Variants in PLPPR1 observed in about 807,000 individuals in gnomAD.
The protein encoded by PLPPR1 is phospholipid phosphatase related 1.
In PLPPR1, 10 loss-of-function variants were observed where a neutral mutation model predicts 33.1. The ratio of observed to expected loss-of-function variants is 0.30; its 90% CI spans 0.19 to 0.51. The LOEUF (loss-of-function observed/expected upper bound fraction) is 0.51, where lower values mean the gene tolerates loss of function less well. Ranked by LOEUF, PLPPR1 falls within the 20% of genes least tolerant of loss-of-function variation. The pLI, the probability that PLPPR1 is intolerant of heterozygous loss-of-function variation, is 0.97. For synonymous variants in PLPPR1, 151 were observed against 151.0 expected (o/e 1.00, Z 0.00); for missense variants, 304 against 408.1 (o/e 0.74, Z 2.20).
At chr9:101,246,465 C>T (rs1459472857) in intron 2 of PLPPR1, among the ~76,000 whole-genome samples, 1 of 151,908 alleles carries the variant, frequency 6.6e-6, no homozygotes, top group Non-Finnish European at 1.5e-5. Flanking sequence ...TAGTTCTGAG[C>T]TCTTCAGGTA....
intron 1 of PLPPR1, among the ~76,000 whole-genome samples, chr9:101,040,098 C>G (rs1048074404): frequency 1.3e-5 from 2 of 152,096 alleles, no homozygotes; most frequent in Non-Finnish European, 2.9e-5. Flanking sequence ...TACATCAAAA[C>G]TTTGCTATAA....
At chr9:101,304,037 T>C (rs1299835101) in intron 4 of PLPPR1, among the ~76,000 whole-genome samples, 1 of 152,234 alleles carries the variant, frequency 6.6e-6, no homozygotes, top group African/African-American at 2.4e-5. Flanking sequence ...CTAAGGTTTT[T>C]TTTATTCTCA....
intron 1 of PLPPR1, among the ~76,000 whole-genome samples, chr9:101,052,600 T>C (rs993251263): frequency 6.6e-6 from 1 of 152,202 alleles, no homozygotes; most frequent in East Asian, 1.9e-4. Context: ...CCTTTTTTCA[T>C]AGGAAGCTGG....
At chr9:101,235,739 C>T (rs1827286723) in intron 2 of PLPPR1, among the ~76,000 whole-genome samples, 2 of 151,730 alleles carry the variant, frequency 1.3e-5, no homozygotes, top group South Asian at 4.1e-4. Flanking sequence ...AAAATGAGAA[C>T]ATAAACCTCT....
intron 4 of PLPPR1, among the ~76,000 whole-genome samples, chr9:101,307,358 C>T (rs1228612846): frequency 1.3e-5 from 2 of 152,182 alleles, no homozygotes; most frequent in Non-Finnish European, 2.9e-5. Context: ...TTTTTCAGAT[C>T]GTAAATCACC....
chr9:101,066,473 G>C (rs1235131912), intron 1 of PLPPR1, among the ~76,000 whole-genome samples: 3 of 151,886 alleles, frequency 2.0e-5, no homozygotes, highest in Non-Finnish European at 2.9e-5. Context: ...GGGGGTGGGG[G>C]AGTATCAATT....
chr9:101,175,843 GC>G (rs1386878332), intron 1 of PLPPR1, among the ~76,000 whole-genome samples: 47 of 152,196 alleles, frequency 3.1e-4, no homozygotes, highest in African/African-American at 1.1e-3. Context: ...GATGACTTTT[GC>G]TTTGAGAAGA....
intron 1 of PLPPR1, among the ~76,000 whole-genome samples, chr9:101,143,001 AT>A (rs34266900): frequency 0.014 from 2,072 of 147,880 alleles, 37 homozygotes; most frequent in African/African-American, 0.039. Flanking sequence ...AAGTTCAGTG[AT>A]TTTTTTTTTT....
intron 1 of PLPPR1, among the ~76,000 whole-genome samples, chr9:101,037,387 T>C (rs1830022051): frequency 6.6e-6 from 1 of 152,092 alleles, no homozygotes; most frequent in Non-Finnish European, 1.5e-5. Context: ...TCATATTTAC[T>C]GGAGCAAATC....
intron 4 of PLPPR1, among the ~76,000 whole-genome samples, chr9:101,306,204 C>G (rs928401876): frequency 6.6e-6 from 1 of 151,600 alleles, no homozygotes; most frequent in Non-Finnish European, 1.5e-5. Flanking sequence ...TGAAACTTCT[C>G]TAAGATGTTT....
At chr9:101,303,497 C>T (rs1564032216) in intron 4 of PLPPR1, among the ~76,000 whole-genome samples, 1 of 152,080 alleles carries the variant, frequency 6.6e-6, no homozygotes, top group Admixed American at 6.6e-5. Context: ...GACAGGATTT[C>T]ACCCTATTGG....
intron 2 of PLPPR1, among the ~76,000 whole-genome samples, chr9:101,214,702 C>A (rs1394799214): frequency 2.0e-5 from 3 of 152,128 alleles, no homozygotes; most frequent in Non-Finnish European, 4.4e-5. Flanking sequence ...AAAGAATCAA[C>A]AAACTATATT....
chr9:101,289,630 G>A (rs1828457232), intron 4 of PLPPR1, among the ~76,000 whole-genome samples: 1 of 152,136 alleles, frequency 6.6e-6, no homozygotes. Context: ...AATATCTGAT[G>A]GTTTTATCAG....
At chr9:101,305,209 G>GTGTGTGTGTGCGTGCA (rs1374726653) in intron 4 of PLPPR1, among the ~76,000 whole-genome samples, 1 of 151,332 alleles carries the variant, frequency 6.6e-6, no homozygotes, top group Non-Finnish European at 1.5e-5. Flanking sequence ...GTAAAAGTGT[G>GTGTGTGTGTGCGTGCA]TGTGTGTGTG....
chr9:101,107,797 C>T (rs1312765481), intron 1 of PLPPR1, among the ~76,000 whole-genome samples: 22 of 144,436 alleles, frequency 1.5e-4, no homozygotes, highest in East Asian at 8.2e-4. Flanking sequence ...TAGCAATCAG[C>T]GAGATTCCGT....
chr9:101,253,936 G>A (rs1202485554), intron 2 of PLPPR1, among the ~76,000 whole-genome samples: 1 of 151,854 alleles, frequency 6.6e-6, no homozygotes, highest in Non-Finnish European at 1.5e-5. Flanking sequence ...ATTGTACTAC[G>A]GGTCTTTCTC....
intron 2 of PLPPR1, among the ~76,000 whole-genome samples, chr9:101,265,859 G>A (rs761172491): frequency 1.5e-4 from 23 of 152,180 alleles, no homozygotes; most frequent in African/African-American, 2.2e-4. Flanking sequence ...AGCTGGGTGC[G>A]GTGGTGTGCG....
intron 2 of PLPPR1, among the ~76,000 whole-genome samples, chr9:101,257,620 T>TCCATCCA (rs774414331): frequency 8.5e-5 from 13 of 152,276 alleles, no homozygotes; most frequent in Non-Finnish European, 1.6e-4. Flanking sequence ...TAAGCCAATG[T>TCCATCCA]CCATCCACTT....
chr9:101,279,378 T>A (rs1828254452), intron 3 of PLPPR1, among the ~76,000 whole-genome samples: 1 of 152,102 alleles, frequency 6.6e-6, no homozygotes, highest in Admixed American at 6.5e-5. Flanking sequence ...AATGCAAAAA[T>A]AGCTGGTGAT....
Sources: allele counts gnomAD v4.1 joint callset (sites outside exome capture counted in the v4.1 genomes callset), GRCh38; gene constraint gnomAD v4.1.1; transcripts MANE v1.5; gene names NCBI Gene and HGNC (gene_info 2026-07-23, HGNC 2026-07-21).